ZNF251: variants seen among roughly 807,000 people sequenced by gnomAD.
ZNF251 encodes the protein zinc finger protein 251.
Under a neutral mutation model 13.5 loss-of-function variants are expected in ZNF251, and 14 were observed. That is an observed-to-expected ratio of 1.04 (90% CI 0.69 to 1.63). The LOEUF (loss-of-function observed/expected upper bound fraction) is 1.63. ZNF251 is among the 40% of genes most tolerant of loss of function. The pLI is 0.00. For missense variants in ZNF251, 764 were observed against 834.9 expected (o/e 0.92, Z 1.05); for synonymous variants, 287 against 295.2 (o/e 0.97, Z 0.28).
Position 144,754,213 on chromosome 8 carries a change from A to G in ZNF251, c.142T>C (p.Tyr48His), listed in dbSNP as rs757462042. 2 of 1,613,954 alleles carry G rather than the reference A, an allele frequency of 1.2e-6. No individual in the cohort carries two copies. The highest frequency in any genetic ancestry group is 1.7e-6 in the Non-Finnish European group (2 of 1,179,900). Residue 48 changes from tyrosine to histidine, a missense_variant, in exon 3 of 5, where the codon TAT becomes CAT. Coordinates refer to ENST00000292562, the MANE Select transcript of ZNF251 (RefSeq NM_138367.2). The part of the protein sequence containing the change: ...ALYRDVMLEN[Y>H]GNVASLGFPV... ...TCACCCAGAGAGGCCACGTTCCCATAGTTCTCCAGCATCACATCCCGGTAG... is the reference window on the plus strand; with the variant it reads ...TCACCCAGAGAGGCCACGTTCCCATGGTTCTCCAGCATCACATCCCGGTAG...
Position 144,722,162 on chromosome 8 carries a change from G to A in ZNF251, c.1498C>T (p.Arg500Trp), listed in dbSNP as rs1343458367. 2.0e-5 allele frequency: 32 copies of A among 1,614,064 alleles called. No homozygotes were observed. Among genetic ancestry groups the A allele is most frequent in the Non-Finnish European group, 2.6e-5 (31 of 1,180,040 alleles). Residue 500 changes from arginine (R) to tryptophan (W), a missense_variant, in exon 5 of 5, where the codon CGG becomes TGG. Physicochemically the swap from Arg to Trp is moderately radical, Grantham distance 101 (BLOSUM62 -3). Coordinates refer to ENST00000292562, the MANE Select transcript of ZNF251 (RefSeq NM_138367.2). The surrounding 1 kb of genome is among the most constrained non-coding windows in gnomAD (Gnocchi z 4.8). ...TGATGCTGAATGAGGGTTGACCTCC[G>A]GCTGAAGGCCTTCCCACAGTCACCA... The part of the protein sequence containing the change: ...DCGDCGKAFS[R>W]RSTLIQHQKV...
chr8:144,750,846 G>GTTTTTTTTT (rs58473905), intron 4 of ZNF251, among the ~76,000 whole-genome samples: 5 of 141,314 alleles, frequency 3.5e-5, no homozygotes, highest in African/African-American at 5.3e-5. Flanking sequence ...TCTCTCCAGA[G>GTTTTTTTTT]TTTTTTTTTT....
chr8:144,742,248 A>T (rs930092008), intron 4 of ZNF251, among the ~76,000 whole-genome samples: 1 of 152,158 alleles, frequency 6.6e-6, no homozygotes, highest in Non-Finnish European at 1.5e-5. Flanking sequence ...ACTTTCATAC[A>T]CGAGAAAACT....
intron 3 of ZNF251, 75 bp from the exon 4 acceptor site, chr8:144,753,871 C>G (rs370375055): frequency 6.9e-4 from 806 of 1,173,442 alleles, no homozygotes; most frequent in Non-Finnish European, 9.2e-4. Flanking sequence ...GAGATGGGCC[C>G]TGTGTGCACG....
chr8:144,733,457 T>C (rs748841350), intron 4 of ZNF251, among the ~76,000 whole-genome samples: 15 of 152,254 alleles, frequency 9.9e-5, no homozygotes, highest in Non-Finnish European at 2.1e-4. Context: ...CCGGCTGCCA[T>C]GAGGCCTCCG....
chr8:144,722,806 C>A lies in ZNF251; in HGVS notation c.854G>T (p.Arg285Ile), dbSNP rs1467307109. ...GLNSHLRLHRRIHTGEKPFGC... is the reference protein window; with the variant it reads ...GLNSHLRLHRIIHTGEKPFGC... ...AAAGGGTTTTTCTCCAGTGTGAATT[C>A]TCCGATGAAGACGGAGGTGAGAATT... The change falls in exon 5 of 5, where the codon AGA becomes ATA. Residue 285 changes from arginine to isoleucine, a missense_variant. Transcript: ENST00000292562. The surrounding 1 kb of genome is among the most constrained non-coding windows in gnomAD (Gnocchi z 4.8). The A allele has an allele frequency of 1.9e-6, 3 of 1,613,980 alleles. No individual in the cohort carries two copies. Among genetic ancestry groups the A allele is most frequent in the Non-Finnish European group, 2.5e-6 (3 of 1,179,936 alleles).
intron 4 of ZNF251, among the ~76,000 whole-genome samples, chr8:144,742,092 G>A (rs1211983007): frequency 6.6e-6 from 1 of 152,042 alleles, no homozygotes; most frequent in Non-Finnish European, 1.5e-5. Context: ...CACCTCAAAA[G>A]CAGGAGAGTG....
chr8:144,750,104 A>G (rs1187141227), intron 4 of ZNF251, among the ~76,000 whole-genome samples: 1 of 152,098 alleles, frequency 6.6e-6, no homozygotes, highest in Admixed American at 6.5e-5. Flanking sequence ...CGTTAATCAT[A>G]GTTTTAAAAA....
intron 4 of ZNF251, among the ~76,000 whole-genome samples, chr8:144,750,881 G>A (rs1367719031): frequency 2.2e-5 from 3 of 138,656 alleles, no homozygotes; most frequent in South Asian, 2.3e-4. Context: ...TTAGAGTCTC[G>A]CTCTGTCACT....
chr8:144,722,963 C>T lies in ZNF251; in HGVS notation c.697G>A (p.Gly233Arg), dbSNP rs1401508563. 1.2e-6 allele frequency: 2 copies of T among 1,613,910 alleles called. No homozygotes were observed. The highest frequency in any genetic ancestry group is 1.7e-5 in the Admixed American group (1 of 60,008). ...DLSRHQRSHT[G>R]EKPYECGRCG... ...CGGCCACATTCGTACGGCTTCTCCCCAGTGTGACTTCTCTGGTGTCTACTT... is the reference window on the plus strand; with the variant it reads ...CGGCCACATTCGTACGGCTTCTCCCTAGTGTGACTTCTCTGGTGTCTACTT... The change falls in exon 5 of 5, where the codon GGG becomes AGG. Residue 233 changes from glycine (G) to arginine (R), a missense_variant. Physicochemically the swap from Gly to Arg is moderately radical, Grantham distance 125. Transcript: ENST00000292562. This position sits in a 1 kb window ranked among gnomAD's most constrained non-coding sequence, Gnocchi z 4.8.
chr8:144,729,714 G>C (rs1444215706), intron 4 of ZNF251, among the ~76,000 whole-genome samples: 3 of 151,984 alleles, frequency 2.0e-5, no homozygotes, highest in Non-Finnish European at 4.4e-5. Context: ...AGATCTCTTG[G>C]GATGGGCATG....
rs983211617 is a variant in ZNF251 at position 144,734,756 on chromosome 8, G to T, written c.278-11374C>A. On this transcript the variant is annotated intron_variant, in intron 4 of 4. Transcript: ENST00000292562. The surrounding 1 kb of genome is among the most constrained non-coding windows in gnomAD (Gnocchi z 4.4). ...GAACTGGAGACCAAAATTCCTCTGTGGTAGAAAATTCAAATTTGTCTTAAG... is the reference window on the plus strand; with the variant it reads ...GAACTGGAGACCAAAATTCCTCTGTTGTAGAAAATTCAAATTTGTCTTAAG... Among the ~76,000 whole-genome samples the T allele has an allele frequency of 2.0e-5, 3 of 152,190 alleles. No individual in the cohort carries two copies. The highest frequency in any genetic ancestry group is 7.2e-5 in the African/African-American group (3 of 41,456).
chr8:144,729,731 C>T (rs943581796), intron 4 of ZNF251, among the ~76,000 whole-genome samples: 9 of 152,032 alleles, frequency 5.9e-5, no homozygotes, highest in Non-Finnish European at 1.2e-4. Flanking sequence ...CATGGTGGCT[C>T]GCGCCTGTGA....
rs765059462 is a variant in ZNF251 at position 144,722,773 on chromosome 8, C to A, written c.887G>T (p.Gly296Val). Reference sequence around the variant, plus strand: ...TCGACTGAAAGCCTTCCCACACTCACCACAGCCAAAGGGTTTTTCTCCAGT... The same window carrying A: ...TCGACTGAAAGCCTTCCCACACTCAACACAGCCAAAGGGTTTTTCTCCAGT... ...IHTGEKPFGCGECGKAFSRSS... is the reference protein window; with the variant it reads ...IHTGEKPFGCVECGKAFSRSS... The change falls in exon 5 of 5, where the codon GGT becomes GTT. Residue 296 changes from glycine to valine, a missense_variant. Physicochemically the swap from Gly to Val is moderately radical, Grantham distance 109 (BLOSUM62 -3). Transcript: ENST00000292562. This position sits in a 1 kb window ranked among gnomAD's most constrained non-coding sequence, Gnocchi z 4.8. The A allele has an allele frequency of 2.5e-6, 4 of 1,614,064 alleles. No homozygotes were observed. The South Asian group carries it at 3.3e-5, about 13-fold the overall frequency.
At chr8:144,751,797 A>G (rs1304778909) in intron 4 of ZNF251, among the ~76,000 whole-genome samples, 3 of 152,328 alleles carry the variant, frequency 2.0e-5, no homozygotes, top group South Asian at 2.1e-4. Flanking sequence ...ACAAGACCCA[A>G]TTGTATGATA....
rs1198736734 is a variant in ZNF251, at chr8:144,723,484, G to A, written c.278-102C>T. 4 of 809,938 alleles carry A rather than the reference G, an allele frequency of 4.9e-6. No homozygotes were observed. In the African/African-American group the frequency reaches 7.1e-5, roughly 14 times the overall value. The allele number at this position is 809,938 out of a possible 1,614,324, so 50.2% of individuals were successfully genotyped here. On this transcript the variant is annotated intron_variant, in intron 4 of 4. Coordinates refer to ENST00000292562, the MANE Select transcript of ZNF251 (RefSeq NM_138367.2). Reference sequence around the variant, plus strand: ...CCTATAAACCATCATGCAGAAGGCAGATGCTCCAATAGGAAAAGATGTGAA... The same window carrying A: ...CCTATAAACCATCATGCAGAAGGCAAATGCTCCAATAGGAAAAGATGTGAA...
intron 4 of ZNF251, among the ~76,000 whole-genome samples, chr8:144,728,437 G>A (rs919822241): frequency 1.3e-5 from 2 of 151,940 alleles, no homozygotes; most frequent in African/African-American, 4.8e-5. Flanking sequence ...GCCGAGACGG[G>A]CGGATCACGA....
intron 4 of ZNF251, among the ~76,000 whole-genome samples, chr8:144,743,678 G>A (rs1370925283): frequency 1.3e-5 from 2 of 152,186 alleles, no homozygotes; most frequent in Non-Finnish European, 2.9e-5. Context: ...ATCCCCACCT[G>A]CAATGAATCA....
intron 4 of ZNF251, among the ~76,000 whole-genome samples, chr8:144,737,604 G>A (rs1025861316): frequency 2.6e-5 from 4 of 152,040 alleles, no homozygotes; most frequent in Non-Finnish European, 5.9e-5. Context: ...AGGCCAAGGC[G>A]GGTGGATCAC....
Sources: gnomAD v4.1 joint callset for allele counts (sites outside exome capture counted in the v4.1 genomes callset) on GRCh38, gnomAD v4.1.1 for gene constraint, Gnocchi (gnomAD v3.1) non-coding constraint, MANE v1.5 for transcripts, NCBI Gene and HGNC (gene_info 2026-07-23, HGNC 2026-07-21) for gene names.